Variants in CSMD1 observed in about 807,000 individuals in gnomAD.
CSMD1 encodes CUB and Sushi multiple domains 1.
CSMD1 carries 213 observed loss-of-function variants against 417.5 expected under a neutral mutation model. The observed-to-expected ratio is 0.51, with a 90% CI of 0.46 to 0.57. The LOEUF (loss-of-function observed/expected upper bound fraction) is 0.57. CSMD1 is among the 20% of genes least tolerant of loss of function. The pLI, the probability that CSMD1 is intolerant of heterozygous loss-of-function variation, is 0.00. For missense variants in CSMD1, 6,923 were observed against 4,529.7 expected (o/e 1.53, Z -15.17); for synonymous variants, 2,862 against 1,736.8 (o/e 1.65, Z -16.11).
chr8:4,384,370 C>T (rs753967830), intron 3 of CSMD1, among the ~76,000 whole-genome samples: 4 of 152,160 alleles, frequency 2.6e-5, no homozygotes, highest in African/African-American at 9.7e-5. Context: ...AGGCCCATCA[C>T]TATGAAGCTA....
intron 12 of CSMD1, among the ~76,000 whole-genome samples, chr8:3,460,055 G>T (rs1376050278): frequency 6.6e-6 from 1 of 152,162 alleles, no homozygotes; most frequent in South Asian, 2.1e-4. Flanking sequence ...GCATAAAGAG[G>T]TCCTTGCATT....
intron 3 of CSMD1, among the ~76,000 whole-genome samples, chr8:4,204,925 G>A (rs555242595): frequency 3.9e-5 from 6 of 152,228 alleles, no homozygotes; most frequent in African/African-American, 7.2e-5. Context: ...TTCCCAAAGT[G>A]CTGGGATTAC....
intron 3 of CSMD1, among the ~76,000 whole-genome samples, chr8:4,375,032 T>A (rs1239821068): frequency 6.7e-6 from 1 of 148,714 alleles, no homozygotes; most frequent in Non-Finnish European, 1.5e-5. Flanking sequence ...GCTAGAGCAA[T>A]TTGTGAAGAT....
intron 5 of CSMD1, among the ~76,000 whole-genome samples, chr8:3,801,521 C>A (rs982711005): frequency 6.6e-6 from 1 of 152,022 alleles, no homozygotes; most frequent in African/African-American, 2.4e-5. Flanking sequence ...TGTTGCTTGT[C>A]GGAAAGTAAA....
Position 3,343,408 on chromosome 8 carries a change from A to G in CSMD1, c.3517T>C (p.Phe1173Leu). Residue 1173 changes from phenylalanine (F) to leucine (L), a missense_variant, in exon 23 of 70, where the codon TTC becomes CTC. Phe to Leu is a conservative substitution (Grantham distance 22). Coordinates refer to ENST00000635120, the MANE Select transcript of CSMD1 (RefSeq NM_033225.6). ...AGCCCCAGAAGTTCATTTTTAGTGAACGTGCCCAGTGGACGTGAGGAACTG... is the reference window on the plus strand; with the variant it reads ...AGCCCCAGAAGTTCATTTTTAGTGAGCGTGCCCAGTGGACGTGAGGAACTG... The part of the protein sequence containing the change: ...KDSSSRPLGT[F>L]TKNELLGLIL... 6.2e-7 allele frequency: 1 copy of G among 1,613,858 alleles called. No homozygotes were observed. The highest frequency in any genetic ancestry group is 8.5e-7 in the Non-Finnish European group (1 of 1,179,792).
chr8:4,222,947 C>G lies in CSMD1; in HGVS notation c.416-190848G>C, dbSNP rs143104291. ...TAATCCAAGTCCTAAAAAGACATTT[C>G]TTAAAAAAAAAATAATTTGGGCTTT... is the stretch of plus-strand genomic sequence containing the variant. On this transcript the variant is annotated intron_variant, in intron 3 of 69. Coordinates refer to ENST00000635120, the MANE Select transcript of CSMD1 (RefSeq NM_033225.6). Among the ~76,000 whole-genome samples, 25 of 151,784 alleles carry G rather than the reference C, an allele frequency of 1.6e-4. No individual in the cohort carries two copies. In the East Asian group the frequency reaches 4.5e-3, roughly 27 times the overall value.
At chr8:4,565,743 TATATAC>T (rs1798569307) in intron 2 of CSMD1, among the ~76,000 whole-genome samples, 1 of 83,478 alleles carries the variant, frequency 1.2e-5, no homozygotes, top group Non-Finnish European at 2.2e-5. Flanking sequence ...TTAAAAAAAA[TATATAC>T]ATATATATAT....
At chr8:3,914,302 G>A (rs1007448379) in intron 5 of CSMD1, among the ~76,000 whole-genome samples, 1 of 152,146 alleles carries the variant, frequency 6.6e-6, no homozygotes, top group African/African-American at 2.4e-5. Context: ...GTAGCTCATG[G>A]TTTTTAAGAA....
chr8:4,496,198 C>T (rs866030188), intron 2 of CSMD1, among the ~76,000 whole-genome samples: 6 of 152,258 alleles, frequency 3.9e-5, no homozygotes, highest in South Asian at 2.1e-4. Flanking sequence ...CATGTTTATC[C>T]TGCTCATTTT....
chr8:3,639,426 G>T (rs1797199498), intron 7 of CSMD1, among the ~76,000 whole-genome samples: 1 of 152,120 alleles, frequency 6.6e-6, no homozygotes, highest in Non-Finnish European at 1.5e-5. Flanking sequence ...AACTTATGCT[G>T]AAAAAACATC....
chr8:3,978,488 T>A (rs1038638092), intron 5 of CSMD1, among the ~76,000 whole-genome samples: 18 of 152,208 alleles, frequency 1.2e-4, no homozygotes, highest in Admixed American at 6.5e-5. Flanking sequence ...ATATGGGGAC[T>A]TTACTTCAAT....
chr8:3,364,351 G>C (rs1009539891), intron 20 of CSMD1, among the ~76,000 whole-genome samples: 2 of 152,146 alleles, frequency 1.3e-5, no homozygotes, highest in African/African-American at 4.8e-5. Flanking sequence ...CTGTCTAGAT[G>C]AAATTTATTT....
At chr8:2,950,410 T>C (rs1042140814) in intron 66 of CSMD1, 67 bp from the exon 67 acceptor site, 4 of 888,126 alleles carry the variant, frequency 4.5e-6, no homozygotes, top group Admixed American at 1.7e-5. Context: ...TTAATCCATT[T>C]GATGTGGAAT....
intron 3 of CSMD1, among the ~76,000 whole-genome samples, chr8:4,174,377 C>A (rs546003979): frequency 6.6e-5 from 10 of 152,018 alleles, no homozygotes; most frequent in Admixed American, 6.5e-4. Flanking sequence ...AAGTCATTTG[C>A]GCAAGGCCTA....
At chr8:3,522,522 T>C (rs1430821253) in intron 10 of CSMD1, among the ~76,000 whole-genome samples, 3 of 152,150 alleles carry the variant, frequency 2.0e-5, no homozygotes, top group African/African-American at 4.8e-5. Flanking sequence ...TACTGGAACA[T>C]TGGTAGCCCC....
intron 1 of CSMD1, among the ~76,000 whole-genome samples, chr8:4,866,132 A>G (rs1209361070): frequency 6.6e-6 from 1 of 152,010 alleles, no homozygotes; most frequent in Admixed American, 6.5e-5. Context: ...GACTAGAATT[A>G]TGTCATCCTA....
At chr8:4,244,658 C>T (rs1347915023) in intron 3 of CSMD1, among the ~76,000 whole-genome samples, 1 of 152,134 alleles carries the variant, frequency 6.6e-6, no homozygotes, top group Non-Finnish European at 1.5e-5. Flanking sequence ...CAAGTTATTA[C>T]ATGACAGATT....
At chr8:4,941,157 C>G (rs1807971171) in intron 1 of CSMD1, among the ~76,000 whole-genome samples, 1 of 152,078 alleles carries the variant, frequency 6.6e-6, no homozygotes, top group Non-Finnish European at 1.5e-5. Context: ...AATTGGATCA[C>G]TCAATAAATA....
At chr8:4,971,861 G>C (rs1810260297) in intron 1 of CSMD1, among the ~76,000 whole-genome samples, 2 of 151,880 alleles carry the variant, frequency 1.3e-5, no homozygotes, top group East Asian at 1.9e-4. Context: ...GGAAGAAATG[G>C]ACTGTAATCC....
Sources: allele counts gnomAD v4.1 joint callset (sites outside exome capture counted in the v4.1 genomes callset), GRCh38; gene constraint gnomAD v4.1.1; transcripts MANE v1.5; gene names NCBI Gene and HGNC (gene_info 2026-07-23, HGNC 2026-07-21).